GRID2: variants seen among roughly 807,000 people sequenced by gnomAD.
The protein encoded by GRID2 is glutamate receptor ionotropic, delta-2.
In GRID2, 33 loss-of-function variants were observed where a neutral mutation model predicts 114.8. That is an observed-to-expected ratio of 0.29 (90% confidence interval 0.22 to 0.38). The LOEUF (loss-of-function observed/expected upper bound fraction) is 0.38. Ranked by LOEUF, GRID2 falls within the 10% of genes least tolerant of loss-of-function variation. The pLI is 1.00. For missense variants in GRID2, 1,184 were observed against 1,257.7 expected, an observed-to-expected ratio of 0.94 and a Z score of 0.89; for synonymous variants, 505 against 449.9, an observed-to-expected ratio of 1.12 and a Z score of -1.55.
chr4:92,643,134 G>T (rs917577405), intron 2 of GRID2, among the ~76,000 whole-genome samples: 1 of 151,560 alleles, frequency 6.6e-6, no homozygotes, highest in Admixed American at 6.6e-5. Context: ...TTAATTCTGT[G>T]AGAATGACCT....
At chr4:93,764,288 T>C (rs1733450516) in intron 14 of GRID2, among the ~76,000 whole-genome samples, 1 of 152,106 alleles carries the variant, frequency 6.6e-6, no homozygotes, top group Non-Finnish European at 1.5e-5. Context: ...TGCAATTAAG[T>C]TTTATGGACT....
intron 2 of GRID2, among the ~76,000 whole-genome samples, chr4:92,814,882 C>A (rs1223190150): frequency 6.6e-6 from 1 of 152,002 alleles, no homozygotes; most frequent in African/African-American, 2.4e-5. Flanking sequence ...CACACTAGGA[C>A]CAGAAAGAGA....
intron 1 of GRID2, among the ~76,000 whole-genome samples, chr4:92,510,733 A>G (rs1365680721): frequency 6.6e-6 from 1 of 151,810 alleles, no homozygotes; most frequent in East Asian, 2.0e-4. Flanking sequence ...CCAAACTACA[A>G]ATAAATGATA....
intron 1 of GRID2, among the ~76,000 whole-genome samples, chr4:93,789,595 G>A (rs1486070161): frequency 1.3e-5 from 2 of 152,096 alleles, no homozygotes; most frequent in African/African-American, 4.8e-5. Context: ...TCCCCATAAA[G>A]CATTTGACCC....
intron 2 of GRID2, among the ~76,000 whole-genome samples, chr4:93,058,134 G>T (rs571761267): frequency 9.3e-5 from 5 of 53,738 alleles, no homozygotes; most frequent in South Asian, 1.0e-3. Context: ...TTAAAACCCT[G>T]TGTGGATTAT....
chr4:93,218,756 C>G (rs898138584), intron 6 of GRID2, among the ~76,000 whole-genome samples: 2 of 152,046 alleles, frequency 1.3e-5, no homozygotes, highest in African/African-American at 4.8e-5. Flanking sequence ...CCATAAAGTA[C>G]AGGGAAGAGG....
intron 1 of GRID2, among the ~76,000 whole-genome samples, chr4:92,450,596 G>T (rs1438269995): frequency 1.3e-5 from 2 of 151,816 alleles, no homozygotes; most frequent in Non-Finnish European, 2.9e-5. Context: ...AATTGTATTT[G>T]TTATGAGGTG....
chr4:92,608,992 A>G lies in GRID2; in HGVS notation c.244+18706A>G, dbSNP rs560687478. On this transcript the variant is annotated intron_variant, in intron 2 of 15. Coordinates refer to ENST00000282020, the MANE Select transcript of GRID2 (RefSeq NM_001510.4). ...TTCAAAAATTTGTTGTTTAGCAAAT[A>G]AAAGACATAAATAACATTAATATAG... Among the ~76,000 whole-genome samples the G allele has an allele frequency of 5.9e-5, 9 of 151,950 alleles. No individual in the cohort carries two copies. In the South Asian group the frequency reaches 1.9e-3, roughly 31 times the overall value.
At chr4:92,386,043 A>G (rs945746329) in intron 1 of GRID2, among the ~76,000 whole-genome samples, 1 of 151,474 alleles carries the variant, frequency 6.6e-6, no homozygotes, top group Non-Finnish European at 1.5e-5. Context: ...TGATTTGACA[A>G]TTAAAATTCA....
intron 1 of GRID2, among the ~76,000 whole-genome samples, chr4:92,434,417 A>G (rs1732630868): frequency 6.6e-6 from 1 of 152,188 alleles, no homozygotes; most frequent in Non-Finnish European, 1.5e-5. Context: ...GTTAAACATA[A>G]CCTAACAATG....
chr4:93,463,198 T>TA (rs934063080), intron 11 of GRID2, among the ~76,000 whole-genome samples: 11 of 151,002 alleles, frequency 7.3e-5, no homozygotes, highest in South Asian at 4.2e-4. Context: ...TCACAACTAA[T>TA]AAAAAAAAAG....
intron 2 of GRID2, among the ~76,000 whole-genome samples, chr4:92,662,331 G>T (rs769480614): frequency 4.4e-4 from 66 of 150,850 alleles, no homozygotes; most frequent in Non-Finnish European, 7.9e-4. Context: ...TTATGGTGGC[G>T]CTCCAAAAAT....
intron 13 of GRID2, among the ~76,000 whole-genome samples, chr4:93,593,683 C>T (rs1738677482): frequency 6.6e-6 from 1 of 152,066 alleles, no homozygotes; most frequent in Admixed American, 6.5e-5. Context: ...CCATCACTTT[C>T]AGGTACACCA....
At chr4:92,558,705 G>T (rs757863304) in intron 1 of GRID2, among the ~76,000 whole-genome samples, 13 of 152,112 alleles carry the variant, frequency 8.5e-5, no homozygotes, top group Admixed American at 1.3e-4. Context: ...TGACAGTTAG[G>T]GTTATCTATC....
intron 4 of GRID2, among the ~76,000 whole-genome samples, chr4:93,187,558 G>A (rs996841541): frequency 9.2e-5 from 14 of 152,090 alleles, no homozygotes; most frequent in Admixed American, 5.9e-4. Context: ...CATTATAAAC[G>A]TGAACCACCG....
intron 2 of GRID2, among the ~76,000 whole-genome samples, chr4:92,849,349 T>C (rs1743585572): frequency 6.6e-6 from 1 of 151,900 alleles, no homozygotes; most frequent in Non-Finnish European, 1.5e-5. Context: ...ATTCTTTGAC[T>C]TGGGGATTTA....
At chr4:92,366,753 G>A (rs913831049) in intron 1 of GRID2, among the ~76,000 whole-genome samples, 3 of 151,916 alleles carry the variant, frequency 2.0e-5, no homozygotes, top group Non-Finnish European at 2.9e-5. Flanking sequence ...AAAGCTCCTG[G>A]ACATTGGCCT....
In GRID2 at chr4:93,433,337, G is replaced by A. The variant is rs577098130; in HGVS notation, c.1545+10369G>A. 3.9e-5 allele frequency among the ~76,000 whole-genome samples: 6 copies of A among 152,284 alleles called. No homozygotes were observed. In the East Asian group the frequency reaches 1.2e-3, roughly 29 times the overall value. On this transcript the variant is annotated intron_variant, in intron 10 of 15. Coordinates refer to ENST00000282020, the MANE Select transcript of GRID2 (RefSeq NM_001510.4). ...CAAAGTTTTCAGAGAAGGAGAAGAA[G>A]ATGCTATTGTGAGGTTTGTCTGGTG...
At chr4:93,696,701 G>T (rs916729128) in intron 14 of GRID2, among the ~76,000 whole-genome samples, 4 of 152,124 alleles carry the variant, frequency 2.6e-5, no homozygotes, top group Non-Finnish European at 5.9e-5. Flanking sequence ...TTTGAAACTA[G>T]AAGTGCAATA....
Sources: allele counts gnomAD v4.1 joint callset (sites outside exome capture counted in the v4.1 genomes callset), GRCh38; gene constraint gnomAD v4.1.1; transcripts MANE v1.5; gene names NCBI Gene and HGNC (gene_info 2026-07-23, HGNC 2026-07-21).